The following LASP1 variants were observed in gnomAD, a reference collection of about 807,000 sequenced individuals.
The protein encoded by LASP1 is LIM and SH3 protein 1, also known as LIM and SH3 domain protein 1.
Under a neutral mutation model 38.6 loss-of-function variants are expected in LASP1, and 10 were observed. That is an observed-to-expected ratio of 0.26 (90% CI 0.16 to 0.44). LASP1 has a LOEUF of 0.44. LASP1 is among the 20% of genes least tolerant of loss of function. The probability of loss-of-function intolerance (pLI) is 1.00; values close to 1 mark genes in which losing one functional copy is unlikely to be tolerated. For missense variants in LASP1, 243 were observed against 375.7 expected (o/e 0.65, Z 2.92); for synonymous variants, 132 against 140.8 (o/e 0.94, Z 0.44).
In LASP1 at chr17:38,870,067, C is replaced by T; in HGVS notation, c.-123C>T. ...GAGGGCGGAGGCGGAGGCCAGTTCC[C>T]CAGCTCCAGCCGCCGTCGCTGCTGC... On this transcript the variant is annotated 5_prime_UTR_variant, in exon 1 of 7. Coordinates refer to ENST00000318008, the MANE Select transcript of LASP1 (RefSeq NM_006148.4). The T allele has an allele frequency of 1.9e-6, 2 of 1,053,108 alleles. No homozygotes were observed. Among genetic ancestry groups the T allele is most frequent in the Admixed American group, 2.0e-5 (1 of 50,048 alleles). 65.2% of individuals were successfully genotyped at this position (1,053,108 alleles called of 1,614,324 possible). A position where few individuals can be genotyped will look rare whatever the true frequency, so the allele number is the denominator to read the frequency against.
intron 4 of LASP1, among the ~76,000 whole-genome samples, chr17:38,912,738 C>T (rs903957180): frequency 2.6e-5 from 4 of 152,096 alleles, no homozygotes; most frequent in East Asian, 1.9e-4. Context: ...CAGGGAACAC[C>T]GAGGCCGGTG....
rs1212376869 is a variant in LASP1 at position 38,919,678 on chromosome 17, G to A, written c.*900G>A. The A allele has an allele frequency of 2.9e-6, 1 of 342,510 alleles. No homozygotes were observed. Among genetic ancestry groups the A allele is most frequent in the Admixed American group, 3.9e-5 (1 of 25,928 alleles). 21.2% of individuals were successfully genotyped at this position (342,510 alleles called of 1,614,324 possible). On this transcript the variant is annotated 3_prime_UTR_variant, in exon 7 of 7. Transcript: ENST00000318008. ...GGTCTTCAGCCTCCCTCAGCCCCCA[G>A]GATCTGGGTTAGGTGGCCGCTCCTC...
chr17:38,901,947 T>C (rs1598115999), intron 4 of LASP1, among the ~76,000 whole-genome samples: 1 of 151,956 alleles, frequency 6.6e-6, no homozygotes, highest in South Asian at 2.1e-4. Flanking sequence ...TTTTGTATTT[T>C]TAGTAGAGAT....
At chr17:38,884,707 T>TTG (rs1233399013) in intron 2 of LASP1, among the ~76,000 whole-genome samples, 3 of 149,034 alleles carry the variant, frequency 2.0e-5, no homozygotes, top group African/African-American at 7.5e-5. Context: ...TTTTTTTTTT[T>TTG]TGAGATGGGG....
rs1915298281 is a variant in LASP1 at position 38,921,520 on chromosome 17, C to CAGAAA, written c.*2742_*2743insAGAAA. The CAGAAA allele has an allele frequency of 1.3e-5, 3 of 232,848 alleles. No individual in the cohort carries two copies. The East Asian group carries it at 1.8e-4, about 14-fold the overall frequency. 14.4% of individuals were successfully genotyped at this position (232,848 alleles called of 1,614,324 possible). On this transcript the variant is annotated 3_prime_UTR_variant, in exon 7 of 7. Transcript: ENST00000318008. ...TGTATTTAAAAAGAAACAGAAATGA[C>CAGAAA]CACGTGAAATTTGCCTCTGTCCAAA...
chr17:38,870,199 A>T lies in LASP1; in HGVS notation c.10A>T (p.Asn4Tyr). 1 of 1,613,778 alleles carries T rather than the reference A, an allele frequency of 6.2e-7. No individual in the cohort carries two copies. The highest frequency in any genetic ancestry group is 8.5e-7 in the Non-Finnish European group (1 of 1,179,838). ...AGCTTTTCTCGGAACCATGAACCCC[A>T]ACTGCGCCCGGTGCGGCAAGATCGT... is the stretch of plus-strand genomic sequence containing the variant. Reference protein sequence around the residue: MNPNCARCGKIVYP... With the variant: MNPYCARCGKIVYP... The change falls in exon 1 of 7, where the codon AAC (asparagine) becomes TAC (tyrosine). Residue 4 changes from asparagine (N) to tyrosine (Y), a missense_variant. Physicochemically the swap from Asn to Tyr is moderately radical, Grantham distance 143 (BLOSUM62 -2). Coordinates refer to ENST00000318008, the MANE Select transcript of LASP1 (RefSeq NM_006148.4).
At chr17:38,910,283 C>G (rs1032127039) in intron 4 of LASP1, among the ~76,000 whole-genome samples, 7 of 152,160 alleles carry the variant, frequency 4.6e-5, no homozygotes, top group African/African-American at 1.7e-4. Flanking sequence ...CATATGGCCT[C>G]TGTGGCAGCA....
chr17:38,906,813 G>A (rs1914788212), intron 4 of LASP1, among the ~76,000 whole-genome samples: 1 of 152,112 alleles, frequency 6.6e-6, no homozygotes, highest in Non-Finnish European at 1.5e-5. Flanking sequence ...CAGCTAGTAG[G>A]GTCCTGGCTG....
chr17:38,878,013 C>T (rs921736861), intron 1 of LASP1, 73 bp from the exon 2 acceptor site: 2 of 1,126,420 alleles, frequency 1.8e-6, no homozygotes, highest in African/African-American at 3.1e-5. Flanking sequence ...TCCTGAGTGC[C>T]CCTTCCTAGG....
At chr17:38,912,180 C>A (rs1008236655) in intron 4 of LASP1, among the ~76,000 whole-genome samples, 11 of 152,376 alleles carry the variant, frequency 7.2e-5, no homozygotes, top group African/African-American at 2.6e-4. Flanking sequence ...TATATGCGTG[C>A]CTGGGAATAG....
Position 38,878,107 on chromosome 17 carries a change from C to A in LASP1, c.91C>A (p.His31Asn), listed in dbSNP as rs1913833181. The part of the protein sequence containing the change: ...LDKFWHKACF[H>N]CETCKMTLNM... ...CCAGTTCTGGCATAAAGCATGCTTC[C>A]ATTGCGAGACCTGCAAGATGACACT... Residue 31 changes from histidine (H) to asparagine (N), a missense_variant, in exon 2 of 7, where the codon CAT becomes AAT. This residue lies in a region of LASP1 where 43 missense variants were observed against 108.3 expected (regional missense o/e 0.40). Transcript: ENST00000318008. 6 of 1,613,718 alleles carry A rather than the reference C, an allele frequency of 3.7e-6. No individual in the cohort carries two copies. The highest frequency in any genetic ancestry group is 5.1e-6 in the Non-Finnish European group (6 of 1,179,750).
chr17:38,908,035 G>T (rs1164711911), intron 4 of LASP1, among the ~76,000 whole-genome samples: 4 of 152,232 alleles, frequency 2.6e-5, no homozygotes, highest in Non-Finnish European at 5.9e-5. Flanking sequence ...ATAAGGGACT[G>T]AGCCTGTGGG....
At chr17:38,881,236 G>T (rs941187066) in intron 2 of LASP1, among the ~76,000 whole-genome samples, 1 of 152,068 alleles carries the variant, frequency 6.6e-6, no homozygotes, top group Non-Finnish European at 1.5e-5. Flanking sequence ...ATTCCCTCCT[G>T]CTTTCTTACT....
chr17:38,910,844 T>G (rs1335508633), intron 4 of LASP1, among the ~76,000 whole-genome samples: 1 of 151,866 alleles, frequency 6.6e-6, no homozygotes, highest in East Asian at 1.9e-4. Flanking sequence ...TGCCTCAGCC[T>G]TCCGAGTAGC....
In LASP1 at chr17:38,898,519, C is replaced by T. The variant is rs1130638; in HGVS notation, c.357C>T (p.Asn119=). 0.41 allele frequency: 626,424 copies of T among 1,544,324 alleles called. 133,490 individuals are homozygous for T. Among genetic ancestry groups the T allele is most frequent in the Middle Eastern group, 0.45 (2,679 of 5,982 alleles). The change falls in exon 4 of 7, where the codon AAC becomes AAT. Residue 119 remains asparagine, a splice_region_variant and synonymous_variant. Coordinates refer to ENST00000318008, the MANE Select transcript of LASP1 (RefSeq NM_006148.4). The part of the protein sequence containing the change: ...RIKKTQDQIS[N]IKYHEEFEKS... ...AGAAGACCCAGGACCAGATCAGTAA[C>T]GTGAGCTCTTGCCCTGCCCTGCGGC...
intron 3 of LASP1, among the ~76,000 whole-genome samples, chr17:38,896,594 C>T (rs890324061): frequency 1.3e-4 from 20 of 152,204 alleles, no homozygotes; most frequent in Admixed American, 1.1e-3. Flanking sequence ...AAGCAGGGGA[C>T]GGAGTGGGGG....
chr17:38,899,211 G>A (rs896764798), intron 4 of LASP1: 34 of 189,378 alleles, frequency 1.8e-4, no homozygotes, highest in East Asian at 5.1e-4. Context: ...GCATGCGGGG[G>A]CAGGGCACTG....
chr17:38,912,013 C>G (rs554019414), intron 4 of LASP1, among the ~76,000 whole-genome samples: 2 of 152,324 alleles, frequency 1.3e-5, no homozygotes, highest in East Asian at 1.9e-4. Flanking sequence ...AGGCTGGTCT[C>G]GAACTCCTGA....
At position 38,919,374 on chromosome 17, in the gene LASP1, G is replaced by A. The variant is rs547834224; in HGVS notation, c.*596G>A. The A allele has an allele frequency of 2.6e-4, 63 of 240,126 alleles. 1 individual carries two copies. Among genetic ancestry groups the A allele is most frequent in the Admixed American group, 4.6e-4 (9 of 19,488 alleles). 14.9% of individuals were successfully genotyped at this position (240,126 alleles called of 1,614,324 possible). On this transcript the variant is annotated 3_prime_UTR_variant, in exon 7 of 7. Coordinates refer to ENST00000318008, the MANE Select transcript of LASP1 (RefSeq NM_006148.4). ...GAGAATGGGGTTCCTGCTGTGGGGC[G>A]AATTCATCCCCTCCCCGCGCGTTCC...
Sources: gnomAD v4.1 joint callset for allele counts (sites outside exome capture counted in the v4.1 genomes callset) on GRCh38, gnomAD v4.1.1 for gene constraint, gnomAD v4.1.1 regional missense constraint, MANE v1.5 for transcripts, NCBI Gene and HGNC (gene_info 2026-07-23, HGNC 2026-07-21) for gene names.